Variants in OCIAD1 observed in about 807,000 individuals in gnomAD.
OCIAD1 encodes the protein OCIA domain-containing protein 1.
In OCIAD1, 29 loss-of-function variants were observed where a neutral mutation model predicts 38.9. The ratio of observed to expected loss-of-function variants is 0.74; its 90% CI spans 0.55 to 1.02. The LOEUF (loss-of-function observed/expected upper bound fraction) is 1.02. Ranked by LOEUF, OCIAD1 falls within the 50% of genes least tolerant of loss-of-function variation. The pLI is 0.00. For synonymous variants in OCIAD1, 110 were observed against 92.0 expected, an observed-to-expected ratio of 1.20 and a Z score of -1.12; for missense variants, 288 against 289.6, an observed-to-expected ratio of 0.99 and a Z score of 0.04.
intron 1 of OCIAD1, among the ~76,000 whole-genome samples, chr4:48,823,485 A>T (rs182645164): frequency 1.3e-5 from 2 of 152,142 alleles, no homozygotes; most frequent in Admixed American, 1.3e-4. Flanking sequence ...CAGGTGCAGC[A>T]AACCACCATG....
At position 48,850,026 on chromosome 4, in the gene OCIAD1, T is replaced by A; in HGVS notation, c.321T>A (p.Asn107Lys). Residue 107 changes from asparagine to lysine, a missense_variant, in exon 6 of 9, where the codon AAT becomes AAA. By Grantham distance (94) the Asn-to-Lys change is moderately conservative (BLOSUM62 0). Coordinates refer to ENST00000264312, the MANE Select transcript of OCIAD1 (RefSeq NM_017830.4). Reference sequence around the variant, plus strand: ...AAGAGAAATTCAAGAAACTTGAAAATTCCCCCCTTGGAGAAGCTTTACGAT... The same window carrying A: ...AAGAGAAATTCAAGAAACTTGAAAAATCCCCCCTTGGAGAAGCTTTACGAT... ...TCQEKFKKLE[N>K]SPLGEALRSG... The A allele has an allele frequency of 6.2e-7, 1 of 1,613,576 alleles. No homozygotes were observed.
rs77951361 is a variant in OCIAD1 at position 48,852,452 on chromosome 4, C to T, written c.547+477C>T. Reference sequence around the variant, plus strand: ...AGAACTGTTGTCAAGTGAGAAAATCCATGTGAAAATGCTTTGTGAAGTTTG... The same window carrying T: ...AGAACTGTTGTCAAGTGAGAAAATCTATGTGAAAATGCTTTGTGAAGTTTG... On this transcript the variant is annotated intron_variant, in intron 7 of 8. Transcript: ENST00000264312. 3.9e-3 allele frequency: 596 copies of T among 152,592 alleles called. 7 individuals carry two copies. The highest frequency in any genetic ancestry group is 0.034 in the South Asian group (163 of 4,834). The allele number at this position is 152,592 out of a possible 1,614,324, so 9.5% of individuals were successfully genotyped here.
intron 1 of OCIAD1, chr4:48,831,613 C>A: frequency 8.6e-7 from 1 of 1,165,898 alleles, no homozygotes; most frequent in South Asian, 1.3e-5. Flanking sequence ...GTCTTAAGCG[C>A]CGTGTCAGCC....
rs1422634731 is a variant in OCIAD1 at position 48,831,354 on chromosome 4, T to A, written c.-6+105T>A. 2.9e-5 allele frequency: 14 copies of A among 482,016 alleles called. No homozygotes were observed. The East Asian group carries it at 9.8e-4, about 34-fold the overall frequency. 29.9% of individuals were successfully genotyped at this position (482,016 alleles called of 1,614,324 possible). ...GCACCTTCCGCCATTTTCCTGCCTG[T>A]GAGGGTGGACAGATCGCGCTCGGGT... On this transcript the variant is annotated intron_variant, in intron 1 of 8. Coordinates refer to ENST00000264312, the MANE Select transcript of OCIAD1 (RefSeq NM_017830.4).
intron 2 of OCIAD1, among the ~76,000 whole-genome samples, chr4:48,833,059 T>A (rs1777659440): frequency 6.6e-6 from 1 of 152,102 alleles, no homozygotes; most frequent in South Asian, 2.1e-4. Flanking sequence ...GAGACTAGCC[T>A]GGCTAACATG....
chr4:48,832,735 T>G, intron 2 of OCIAD1, 53 bp downstream of exon 2: 1 of 1,334,940 alleles, frequency 7.5e-7, no homozygotes, highest in Non-Finnish European at 1.1e-6. Context: ...GTAAAGGAAT[T>G]TTCACTGCCT....
At chr4:48,810,919 G>A (rs568719528) in intron 1 of OCIAD1, among the ~76,000 whole-genome samples, 8 of 133,580 alleles carry the variant, frequency 6.0e-5, no homozygotes, top group Admixed American at 8.3e-5. Context: ...TTTTTGAGAC[G>A]GAGTCTCACT....
intron 4 of OCIAD1, among the ~76,000 whole-genome samples, chr4:48,845,448 T>G (rs1778899405): frequency 1.3e-5 from 2 of 152,238 alleles, no homozygotes; most frequent in Admixed American, 1.3e-4. Flanking sequence ...TTGGCTTCCA[T>G]GATGGCATAT....
upstream of OCIAD1, among the ~76,000 whole-genome samples, chr4:48,826,715 A>G (rs780017985): frequency 3.9e-5 from 6 of 152,254 alleles, no homozygotes; most frequent in Non-Finnish European, 7.3e-5. Flanking sequence ...ATTAAAAATC[A>G]TAAAAGCAAA....
intron 3 of OCIAD1, among the ~76,000 whole-genome samples, chr4:48,836,003 C>T (rs752583164): frequency 4.6e-5 from 7 of 152,024 alleles, no homozygotes; most frequent in African/African-American, 9.7e-5. Flanking sequence ...GAGGATAGAA[C>T]GTAAAACATA....
chr4:48,858,536 C>A (rs1780305909), intron 8 of OCIAD1, among the ~76,000 whole-genome samples: 2 of 152,182 alleles, frequency 1.3e-5, no homozygotes, highest in Admixed American at 1.3e-4. Context: ...TTACTGCAGT[C>A]TTGACCTCCT....
rs755858146 is a variant in OCIAD1, at chr4:48,857,289, G to A, written c.624G>A (p.Glu208=). ...TYEELRNKNR[E]SYEVSLTQKT... ...AGGAATTAAGGAATAAGAACAGAGA[G>A]TCATATGAAGTATCTTTAACACAAA... Residue 208 remains glutamate, a synonymous_variant, in exon 8 of 9, where the codon GAG becomes GAA. Transcript: ENST00000264312. 4.4e-6 allele frequency: 7 copies of A among 1,599,712 alleles called. No individual in the cohort carries two copies. The highest frequency in any genetic ancestry group is 1.3e-5 in the African/African-American group (1 of 74,290).
At chr4:48,832,511 T>G in intron 1 of OCIAD1, 109 bp from the exon 2 acceptor site, 1 of 783,390 alleles carries the variant, frequency 1.3e-6, no homozygotes. Context: ...AAATATTTGT[T>G]GATTGATTGC....
At chr4:48,815,791 A>G (rs1777137502) in intron 1 of OCIAD1, among the ~76,000 whole-genome samples, 1 of 152,178 alleles carries the variant, frequency 6.6e-6, no homozygotes, top group African/African-American at 2.4e-5. Flanking sequence ...TTTAATGACA[A>G]CAAAGCTTTT....
rs1435503416 is a variant in OCIAD1 at position 48,851,389 on chromosome 4, G to A, written c.378-417G>A. On this transcript the variant is annotated intron_variant, in intron 6 of 8. Coordinates refer to ENST00000264312, the MANE Select transcript of OCIAD1 (RefSeq NM_017830.4). ...CATTTTACTGATTATAAATAACTGC[G>A]TTAAAAATTATTTTGAGGCCAGACG... 2.6e-5 allele frequency among the ~76,000 whole-genome samples: 4 copies of A among 152,148 alleles called. No homozygotes were observed. The South Asian group carries it at 6.2e-4, about 24-fold the overall frequency.
chr4:48,815,688 T>A (rs938283669), intron 1 of OCIAD1, among the ~76,000 whole-genome samples: 12 of 152,228 alleles, frequency 7.9e-5, no homozygotes, highest in African/African-American at 2.9e-4. Flanking sequence ...TCTACTCCAC[T>A]GGCTTGGAGG....
At position 48,842,705 on chromosome 4, in the gene OCIAD1, T is replaced by A; in HGVS notation, c.193+16T>A. On this transcript the variant is annotated intron_variant, in intron 4 of 8. Transcript: ENST00000264312. Reference sequence around the variant, plus strand: ...ATTAGTAAAGGTAAATATTTAAAATTTGAATTTATTTAGCATTTTGGATAC... The same window carrying A: ...ATTAGTAAAGGTAAATATTTAAAATATGAATTTATTTAGCATTTTGGATAC... 2 of 1,372,494 alleles carry A rather than the reference T, an allele frequency of 1.5e-6. No homozygotes were observed. The highest frequency in any genetic ancestry group is 2.0e-6 in the Non-Finnish European group (2 of 993,380). The allele number at this position is 1,372,494 out of a possible 1,614,324, so 85.0% of individuals were successfully genotyped here.
At chr4:48,847,238 A>G (rs558605472) in intron 4 of OCIAD1, among the ~76,000 whole-genome samples, 17 of 152,248 alleles carry the variant, frequency 1.1e-4, no homozygotes, top group Admixed American at 3.9e-4. Context: ...TCATTTCAGC[A>G]TATCTTTTTC....
intron 1 of OCIAD1, among the ~76,000 whole-genome samples, chr4:48,806,021 C>A (rs1290638393): frequency 6.6e-6 from 1 of 152,196 alleles, no homozygotes; most frequent in East Asian, 1.9e-4. Flanking sequence ...AATCCCAACA[C>A]TTTGGGAGGC....
Sources: allele counts gnomAD v4.1 joint callset (sites outside exome capture counted in the v4.1 genomes callset), GRCh38; gene constraint gnomAD v4.1.1; transcripts MANE v1.5; gene names NCBI Gene and HGNC (gene_info 2026-07-23, HGNC 2026-07-21).